Variants in ARMC1 observed in about 807,000 individuals in gnomAD.
The protein encoded by ARMC1 is armadillo repeat-containing protein 1.
In ARMC1, 16 loss-of-function variants were observed where a neutral mutation model predicts 31.4. The ratio of observed to expected loss-of-function variants is 0.51; its 90% CI spans 0.34 to 0.77. The LOEUF (loss-of-function observed/expected upper bound fraction) is 0.77, where lower values mean the gene tolerates loss of function less well. Among genes scored for constraint, ARMC1 ranks in the 30% least tolerant of loss-of-function variants. ARMC1 has a pLI of 0.01. For missense variants in ARMC1, 259 were observed against 347.5 expected, an observed-to-expected ratio of 0.75 and a Z score of 2.02; for synonymous variants, 114 against 118.9, an observed-to-expected ratio of 0.96 and a Z score of 0.27.
intron 3 of ARMC1, among the ~76,000 whole-genome samples, chr8:65,621,752 G>A (rs530683373): frequency 2.5e-4 from 38 of 152,268 alleles, no homozygotes; most frequent in African/African-American, 8.2e-4. Flanking sequence ...CAAGTGATCC[G>A]TCTGCCTTGG....
chr8:65,610,932 A>G (rs575044866), intron 4 of ARMC1, among the ~76,000 whole-genome samples: 1 of 149,454 alleles, frequency 6.7e-6, no homozygotes, highest in East Asian at 2.0e-4. Context: ...TAAAATATTC[A>G]CTTATCCTTT....
At chr8:65,609,164 C>T (rs1316274166) in intron 4 of ARMC1, among the ~76,000 whole-genome samples, 2 of 137,756 alleles carry the variant, frequency 1.5e-5, no homozygotes, top group South Asian at 2.3e-4. Flanking sequence ...GACGGAATCT[C>T]GCTATGTTGA....
chr8:65,616,821 C>T (rs190685888), intron 3 of ARMC1, among the ~76,000 whole-genome samples: 2,823 of 132,330 alleles, frequency 0.021, 29 homozygotes, highest in African/African-American at 0.038. Flanking sequence ...TCTGCCCGGC[C>T]GCCCTGTCTG....
Position 65,616,322 on chromosome 8 carries a change from A to G in ARMC1, c.276-2889T>C, listed in dbSNP as rs541396458. ...TGGTTTTCGTATTTTTTTGGTGGAG[A>G]GGGGGTTTCGCTGTGTTGGCCGGGC... On this transcript the variant is annotated intron_variant, in intron 3 of 6. Transcript: ENST00000276569. Among the ~76,000 whole-genome samples, 69 of 152,000 alleles carry G rather than the reference A, an allele frequency of 4.5e-4. 1 individual carries two copies. The highest frequency in any genetic ancestry group is 3.3e-3 in the Admixed American group (50 of 15,272).
chr8:65,620,612 T>G (rs1475999553), intron 3 of ARMC1, among the ~76,000 whole-genome samples: 1 of 151,958 alleles, frequency 6.6e-6, no homozygotes, highest in African/African-American at 2.4e-5. Flanking sequence ...TTAATTAATT[T>G]AAATTGCCAC....
At chr8:65,620,569 AC>A (rs1399289007) in intron 3 of ARMC1, among the ~76,000 whole-genome samples, 1 of 151,588 alleles carries the variant, frequency 6.6e-6, no homozygotes, top group Admixed American at 6.6e-5. Flanking sequence ...TGCTGGGATT[AC>A]AGGTGTGAGC....
At position 65,613,247 on chromosome 8, in the gene ARMC1, A is replaced by G. The variant is rs140697502; in HGVS notation, c.462T>C (p.Asp154=). Residue 154 remains aspartate, a synonymous_variant, in exon 4 of 7, where the codon GAT becomes GAC. Transcript: ENST00000276569. ...TVVLHIDGLD[D]TSRRNLCEEA... ...TTTCCCATCTAACAGACCTTACCGT[A>G]TCATCAAGGCCATCTATATGCAAAA... is the stretch of plus-strand genomic sequence containing the variant. 10 of 1,597,930 alleles carry G rather than the reference A, an allele frequency of 6.3e-6. No homozygotes were observed. The highest frequency in any genetic ancestry group is 8.5e-6 in the Non-Finnish European group (10 of 1,174,126).
chr8:65,629,554 A>AAGG lies in ARMC1; in HGVS notation c.-35-2122_-35-2121insCCT, dbSNP rs201473461. On this transcript the variant is annotated intron_variant, in intron 1 of 6. Coordinates refer to ENST00000276569, the MANE Select transcript of ARMC1 (RefSeq NM_018120.6). ...GGTGGCTCACACCTATAATCCCAGC[A>AAGG]CTTTGGGAGGCCAAGGCAGGCGGAT... 9.7e-3 allele frequency among the ~76,000 whole-genome samples: 1,483 copies of AAGG among 152,242 alleles called. 17 individuals carry two copies. Among genetic ancestry groups the AAGG allele is most frequent in the Middle Eastern group, 0.034 (10 of 294 alleles).
intron 4 of ARMC1, among the ~76,000 whole-genome samples, chr8:65,606,090 C>T (rs1294832407): frequency 6.6e-6 from 1 of 152,106 alleles, no homozygotes; most frequent in Non-Finnish European, 1.5e-5. Context: ...TGGCCAGGCA[C>T]GGTGGCTCAT....
In ARMC1 at chr8:65,602,748, T is replaced by A. The variant is rs1037277686; in HGVS notation, c.*1646A>T. The A allele has an allele frequency of 6.6e-6, 1 of 151,968 alleles. No individual in the cohort carries two copies. The highest frequency in any genetic ancestry group is 1.5e-5 in the Non-Finnish European group (1 of 67,984). The allele number at this position is 151,968 out of a possible 1,614,324, so 9.4% of individuals were successfully genotyped here. ...AAGAAGGTGGTTTTATTTTCTTTTT[T>A]AAACACATCTGGTTCTGGCAGCAAG... On this transcript the variant is annotated 3_prime_UTR_variant, in exon 7 of 7. Coordinates refer to ENST00000276569, the MANE Select transcript of ARMC1 (RefSeq NM_018120.6).
chr8:65,613,384 T>C lies in ARMC1; in HGVS notation c.325A>G (p.Ile109Val). The C allele has an allele frequency of 6.2e-7, 1 of 1,608,626 alleles. No homozygotes were observed. The highest frequency in any genetic ancestry group is 1.1e-5 in the South Asian group (1 of 89,652). ...TKLLASEIYD[I>V]LQSSNMADGD... ...TCTGCCATATTGGAGGACTGAAGAA[T>C]GTCATAGATTTCAGAGGCCAGAAGT... The change falls in exon 4 of 7, where the codon ATT becomes GTT. Residue 109 changes from isoleucine (I) to valine (V), a missense_variant. By Grantham distance (29) the Ile-to-Val change is conservative. Around this residue, in one of 3 missense-constraint regions of ARMC1, gnomAD observed 163 missense variants for 186.7 expected, o/e 0.87. Transcript: ENST00000276569.
chr8:65,604,568 T>C lies in ARMC1; in HGVS notation c.675A>G (p.Gln225=), dbSNP rs775023934. Residue 225 remains glutamine, a synonymous_variant, in exon 7 of 7, where the codon CAA becomes CAG. Coordinates refer to ENST00000276569, the MANE Select transcript of ARMC1 (RefSeq NM_018120.6). ...ESGEEMLVPF[Q]DTPVEVEQNT... is the part of the protein sequence containing the mutation. ...TCTGTTCAACTTCCACAGGAGTATC[T>C]TGGAATGGGACCAACATCTGATACA... 1.2e-5 allele frequency: 19 copies of C among 1,613,424 alleles called. No individual in the cohort carries two copies. The highest frequency in any genetic ancestry group is 3.3e-5 in the Admixed American group (2 of 59,894).
At chr8:65,614,743 A>T (rs763246855) in intron 3 of ARMC1, among the ~76,000 whole-genome samples, 7 of 152,104 alleles carry the variant, frequency 4.6e-5, no homozygotes, top group Non-Finnish European at 8.8e-5. Context: ...TTTGTTCTAG[A>T]ATGCTTTCTA....
At chr8:65,611,797 G>A (rs143141523) in intron 4 of ARMC1, among the ~76,000 whole-genome samples, 16 of 145,122 alleles carry the variant, frequency 1.1e-4, no homozygotes, top group Admixed American at 2.1e-4. Context: ...TTTTTGAGAC[G>A]GAGTCTCACT....
chr8:65,615,522 T>C (rs963266179), intron 3 of ARMC1, among the ~76,000 whole-genome samples: 3 of 151,250 alleles, frequency 2.0e-5, no homozygotes, highest in African/African-American at 7.3e-5. Flanking sequence ...CTGGCCAACA[T>C]GGCGAAACCC....
chr8:65,615,393 C>G (rs1422648122), intron 3 of ARMC1, among the ~76,000 whole-genome samples: 1 of 108,646 alleles, frequency 9.2e-6, no homozygotes, highest in Non-Finnish European at 1.8e-5. Context: ...AACTTACGAA[C>G]TTAAGTTAAA....
intron 3 of ARMC1, among the ~76,000 whole-genome samples, chr8:65,618,200 C>T (rs886933960): frequency 6.6e-6 from 1 of 152,002 alleles, no homozygotes; most frequent in Non-Finnish European, 1.5e-5. Flanking sequence ...CGGCATGAGC[C>T]ACGGCACCCA....
chr8:65,633,546 C>G (rs68077070), intron 1 of ARMC1, among the ~76,000 whole-genome samples: 18,201 of 152,220 alleles, frequency 0.12, 1,240 homozygotes, highest in Middle Eastern at 0.17. Context: ...CTAAGTATCA[C>G]GAAAGGAGTT....
chr8:65,603,300 C>T lies in ARMC1; in HGVS notation c.*1094G>A, dbSNP rs1807932752. 6.6e-6 allele frequency: 1 copy of T among 152,068 alleles called. No homozygotes were observed. Among genetic ancestry groups the T allele is most frequent in the Admixed American group, 6.5e-5 (1 of 15,268 alleles). The allele number at this position is 152,068 out of a possible 1,614,324, so 9.4% of individuals were successfully genotyped here. A position where few individuals can be genotyped will look rare whatever the true frequency, so the allele number is the denominator to read the frequency against. On this transcript the variant is annotated 3_prime_UTR_variant, in exon 7 of 7. Coordinates refer to ENST00000276569, the MANE Select transcript of ARMC1 (RefSeq NM_018120.6). The stretch of plus-strand genomic sequence containing the variant: ...GACATGAGAAACAGGATTAAGTGAT[C>T]AATGCTGGCTTTATTTCTTCATAAG...
Sources: allele counts gnomAD v4.1 joint callset (sites outside exome capture counted in the v4.1 genomes callset), GRCh38; gene constraint gnomAD v4.1.1; regional missense constraint gnomAD v4.1.1; transcripts MANE v1.5; gene names NCBI Gene and HGNC (gene_info 2026-07-23, HGNC 2026-07-21).